Variants in AP4E1 observed in about 807,000 individuals in gnomAD.
AP4E1 encodes the protein adaptor related protein complex 4 subunit epsilon 1.
Under a neutral mutation model 128.2 loss-of-function variants are expected in AP4E1, and 56 were observed. The observed-to-expected ratio is 0.44, with a 90% CI of 0.35 to 0.55. AP4E1 has a LOEUF of 0.55. Ranked by LOEUF, AP4E1 falls within the 20% of genes least tolerant of loss-of-function variation. The pLI is 0.00. For synonymous variants in AP4E1, 484 were observed against 473.1 expected (o/e 1.02, Z -0.30); for missense variants, 1,324 against 1,307.7 (o/e 1.01, Z -0.19).
chr15:50,913,808 C>CT (rs1448979461), intron 2 of AP4E1, among the ~76,000 whole-genome samples: 2 of 151,948 alleles, frequency 1.3e-5, no homozygotes, highest in Admixed American at 6.6e-5. Context: ...TATTTTGTAG[C>CT]TTTTTTGGGG....
chr15:50,978,985 G>A (rs1417291282), intron 15 of AP4E1, among the ~76,000 whole-genome samples: 1 of 152,098 alleles, frequency 6.6e-6, no homozygotes, highest in African/African-American at 2.4e-5. Flanking sequence ...ACTTGGAATT[G>A]ATACTTTTTT....
chr15:50,958,414 G>T (rs1430571112), intron 13 of AP4E1, 78 bp from the exon 14 acceptor site: 2 of 1,201,732 alleles, frequency 1.7e-6, no homozygotes, highest in Non-Finnish European at 1.2e-6. Flanking sequence ...CTAGCAGTAG[G>T]TACTTTGTTT....
chr15:50,959,151 C>T (rs2064275454), intron 14 of AP4E1, among the ~76,000 whole-genome samples: 2 of 150,662 alleles, frequency 1.3e-5, no homozygotes, highest in Admixed American at 6.6e-5. Context: ...GCAGAGGTTG[C>T]AGTGAGCTGA....
chr15:50,958,833 G>T, intron 14 of AP4E1, 39 bp downstream of exon 14: 1 of 1,590,240 alleles, frequency 6.3e-7, no homozygotes, highest in Non-Finnish European at 8.6e-7. Context: ...AAATTGCGTT[G>T]TCATTAAACA....
At chr15:50,998,913 CTCAAGT>C (rs1421131142) in intron 18 of AP4E1, among the ~76,000 whole-genome samples, 153 bp from the exon 19 acceptor site, 1 of 152,120 alleles carries the variant, frequency 6.6e-6, no homozygotes, top group Non-Finnish European at 1.5e-5. Context: ...GTGAATTTTT[CTCAAGT>C]GAAGTTGCCA....
chr15:50,988,775 T>C (rs919942691), intron 16 of AP4E1, among the ~76,000 whole-genome samples: 2 of 152,170 alleles, frequency 1.3e-5, no homozygotes, highest in African/African-American at 4.8e-5. Context: ...ATCATTAAAT[T>C]GAACTATTGT....
Position 50,925,108 on chromosome 15 carries a change from G to A in AP4E1, c.431G>A (p.Ser144Asn), listed in dbSNP as rs1177214957. 1.9e-6 allele frequency: 3 copies of A among 1,613,836 alleles called. No homozygotes were observed. Among genetic ancestry groups the A allele is most frequent in the Non-Finnish European group, 2.5e-6 (3 of 1,179,898 alleles). The change falls in exon 5 of 21, where the codon AGC becomes AAC. Residue 144 changes from serine (S) to asparagine (N), a missense_variant. Ser to Asn is a conservative substitution (Grantham distance 46). Transcript: ENST00000261842. ...LVNTVVKDLQ[S>N]TNLVEVCMAL... is the part of the protein sequence containing the mutation. Reference sequence around the variant, plus strand: ...TTAATGTTGTGCCAGGATCTGCAGAGCACTAACCTAGTAGAAGTGTGTATG... The same window carrying A: ...TTAATGTTGTGCCAGGATCTGCAGAACACTAACCTAGTAGAAGTGTGTATG...
intron 15 of AP4E1, 147 bp downstream of exon 15, chr15:50,968,524 T>C: frequency 1.4e-6 from 1 of 739,556 alleles, no homozygotes; most frequent in Non-Finnish European, 2.2e-6. Flanking sequence ...GACTAGGTTT[T>C]CAGATATCCA....
intron 1 of AP4E1, among the ~76,000 whole-genome samples, chr15:50,911,444 A>G (rs895962552): frequency 1.3e-5 from 2 of 151,528 alleles, no homozygotes; most frequent in African/African-American, 2.4e-5. Flanking sequence ...TCTTGGGCCA[A>G]TACATGGAGA....
chr15:50,927,319 G>T (rs764838351), intron 5 of AP4E1, among the ~76,000 whole-genome samples: 1 of 152,172 alleles, frequency 6.6e-6, no homozygotes, highest in African/African-American at 2.4e-5. Flanking sequence ...CTGGAGTAAA[G>T]AGCTGACGAA....
intron 5 of AP4E1, among the ~76,000 whole-genome samples, chr15:50,925,512 G>C (rs2063757236): frequency 6.6e-6 from 1 of 152,116 alleles, no homozygotes; most frequent in Admixed American, 6.5e-5. Context: ...TGGCTATATG[G>C]GGTTGGTTGA....
At chr15:50,973,089 G>A (rs549154744) in intron 15 of AP4E1, among the ~76,000 whole-genome samples, 1 of 152,326 alleles carries the variant, frequency 6.6e-6, no homozygotes, top group East Asian at 1.9e-4. Flanking sequence ...TATTTGGATG[G>A]TAGAAGGGAA....
intron 7 of AP4E1, among the ~76,000 whole-genome samples, chr15:50,931,784 T>C (rs2063839846): frequency 6.6e-6 from 1 of 152,154 alleles, no homozygotes; most frequent in Admixed American, 6.5e-5. Flanking sequence ...GTAAAATCTC[T>C]TCTTAGCTTG....
chr15:51,001,563 CTATG>C (rs1318078241), intron 20 of AP4E1, among the ~76,000 whole-genome samples: 2 of 152,190 alleles, frequency 1.3e-5, no homozygotes, highest in Non-Finnish European at 2.9e-5. Flanking sequence ...CCTCTTGTCT[CTATG>C]AACTTGACTG....
In AP4E1 at chr15:50,949,928, A is replaced by G. The variant is rs587780279; in HGVS notation, c.1419A>G (p.Leu473=). 2.0e-5 allele frequency: 33 copies of G among 1,612,338 alleles called. No homozygotes were observed. The highest frequency in any genetic ancestry group is 2.7e-5 in the Non-Finnish European group (32 of 1,178,590). Residue 473 remains leucine (L), a synonymous_variant, in exon 12 of 21, where the codon CTA becomes CTG. Coordinates refer to ENST00000261842, the MANE Select transcript of AP4E1 (RefSeq NM_007347.5). ...ATATTCCCAATAACTTTCTGAGACTACTAGCGGAAGGTTGGTACACTATTA... is the reference window on the plus strand; with the variant it reads ...ATATTCCCAATAACTTTCTGAGACTGCTAGCGGAAGGTTGGTACACTATTA... ...HPDIPNNFLR[L]LAEGFDDETE... is the part of the protein sequence containing the mutation.
At chr15:50,982,862 T>C (rs955154628) in intron 15 of AP4E1, among the ~76,000 whole-genome samples, 1 of 152,210 alleles carries the variant, frequency 6.6e-6, no homozygotes, top group African/African-American at 2.4e-5. Flanking sequence ...CATGTCTGGC[T>C]TTGTCATTTT....
chr15:50,979,722 A>G (rs1253754430), intron 15 of AP4E1, among the ~76,000 whole-genome samples: 1 of 152,022 alleles, frequency 6.6e-6, no homozygotes, highest in Non-Finnish European at 1.5e-5. Flanking sequence ...GCAGGGTTTC[A>G]CCACAGTGGC....
intron 15 of AP4E1, among the ~76,000 whole-genome samples, chr15:50,973,320 G>A (rs1008427381): frequency 6.6e-6 from 1 of 152,176 alleles, no homozygotes; most frequent in Non-Finnish European, 1.5e-5. Context: ...AAAAAGTTAT[G>A]AACATTATTA....
chr15:50,936,536 C>T (rs780722978), intron 8 of AP4E1, among the ~76,000 whole-genome samples: 1 of 152,208 alleles, frequency 6.6e-6, no homozygotes, highest in East Asian at 1.9e-4. Context: ...ACCCACCACC[C>T]AGTTCCCTTT....
Sources: allele counts gnomAD v4.1 joint callset (sites outside exome capture counted in the v4.1 genomes callset), GRCh38; gene constraint gnomAD v4.1.1; transcripts MANE v1.5; gene names NCBI Gene and HGNC (gene_info 2026-07-23, HGNC 2026-07-21).